The following OTULINL variants were observed in gnomAD, a reference collection of about 807,000 sequenced individuals.
The protein encoded by OTULINL is OTU deubiquitinase with linear linkage specificity like.
Under a neutral mutation model 43.9 loss-of-function variants are expected in OTULINL, and 42 were observed. The observed-to-expected ratio is 0.96, with a 90% CI of 0.75 to 1.24. The LOEUF (loss-of-function observed/expected upper bound fraction) is 1.24, where lower values mean the gene tolerates loss of function less well. Among genes scored for constraint, OTULINL ranks in the 50% most tolerant of loss-of-function variants. The probability of loss-of-function intolerance (pLI) is 0.00; values close to 1 mark genes in which losing one functional copy is unlikely to be tolerated. For synonymous variants in OTULINL, 172 were observed against 153.6 expected (o/e 1.12, Z -0.88); for missense variants, 411 against 426.4 (o/e 0.96, Z 0.32).
chr5:14,596,218 A>G (rs1759285357), intron 1 of OTULINL, among the ~76,000 whole-genome samples: 1 of 152,094 alleles, frequency 6.6e-6, no homozygotes, highest in African/African-American at 2.4e-5. Context: ...GAATGACTGA[A>G]TTCGTGGAGG....
intron 1 of OTULINL, among the ~76,000 whole-genome samples, chr5:14,597,647 C>G (rs889262856): frequency 1.3e-5 from 2 of 152,236 alleles, no homozygotes; most frequent in African/African-American, 4.8e-5. Context: ...AAGGCTCACT[C>G]CTAATGTCAT....
intron 7 of OTULINL, 77 bp downstream of exon 7, chr5:14,609,094 G>C: frequency 6.8e-7 from 1 of 1,473,454 alleles, no homozygotes; most frequent in Non-Finnish European, 9.2e-7. Flanking sequence ...TGTCTGGGGT[G>C]ACTTTTCAGT....
chr5:14,616,016 A>G lies in OTULINL; in HGVS notation c.*5702A>G, dbSNP rs1236205343. ...CTTTTTAAACTATCCATGGTAAAGG[A>G]TGAGTTTTAAAAATTCTAATCCTTT... is the stretch of plus-strand genomic sequence containing the variant. On this transcript the variant is annotated 3_prime_UTR_variant, in exon 8 of 8. Transcript: ENST00000274217. 1.3e-5 allele frequency among the ~76,000 whole-genome samples: 2 copies of G among 152,226 alleles called. No homozygotes were observed. The highest frequency in any genetic ancestry group is 2.9e-5 in the Non-Finnish European group (2 of 68,028).
At chr5:14,582,613 G>A (rs1277572414) in intron 1 of OTULINL, among the ~76,000 whole-genome samples, 1 of 151,980 alleles carries the variant, frequency 6.6e-6, no homozygotes, top group East Asian at 1.9e-4. Context: ...AGCCAGCATA[G>A]CGAAACCCTG....
chr5:14,587,936 C>T (rs1272737750), intron 1 of OTULINL, among the ~76,000 whole-genome samples: 3 of 152,138 alleles, frequency 2.0e-5, no homozygotes, highest in African/African-American at 7.2e-5. Flanking sequence ...CCCTTTTCCT[C>T]CCCATTTAGC....
At chr5:14,594,550 G>A (rs1300416311) in intron 1 of OTULINL, among the ~76,000 whole-genome samples, 1 of 152,106 alleles carries the variant, frequency 6.6e-6, no homozygotes. Flanking sequence ...GGGTCCCTGT[G>A]GGCAGGGACC....
intron 5 of OTULINL, among the ~76,000 whole-genome samples, chr5:14,604,492 C>T (rs1258251881): frequency 6.6e-6 from 1 of 152,182 alleles, no homozygotes; most frequent in African/African-American, 2.4e-5. Flanking sequence ...ATCATTTCAG[C>T]ATTAACTCAA....
intron 1 of OTULINL, among the ~76,000 whole-genome samples, chr5:14,591,234 G>C (rs1301241235): frequency 1.3e-5 from 2 of 152,168 alleles, no homozygotes; most frequent in Non-Finnish European, 2.9e-5. Flanking sequence ...TCCCAGAACT[G>C]GCCCACATGA....
intron 5 of OTULINL, among the ~76,000 whole-genome samples, chr5:14,604,502 A>G (rs1366228229): frequency 2.0e-5 from 3 of 152,178 alleles, no homozygotes; most frequent in East Asian, 1.9e-4. Flanking sequence ...CATTAACTCA[A>G]AAGTTCACAG....
rs1017169541 is a variant in OTULINL at position 14,612,886 on chromosome 5, A to C, written c.*2572A>C. Among the ~76,000 whole-genome samples, 10 of 151,838 alleles carry C rather than the reference A, an allele frequency of 6.6e-5. No individual in the cohort carries two copies. The East Asian group carries it at 1.7e-3, about 26-fold the overall frequency. On this transcript the variant is annotated 3_prime_UTR_variant, in exon 8 of 8. Coordinates refer to ENST00000274217, the MANE Select transcript of OTULINL (RefSeq NM_019018.3). ...GCATATTAGTACAAGGCTGACTTTTACTGTGGTAAAATACACATAACATAT... is the reference window on the plus strand; with the variant it reads ...GCATATTAGTACAAGGCTGACTTTTCCTGTGGTAAAATACACATAACATAT...
At chr5:14,602,581 G>A (rs7716513) in intron 5 of OTULINL, among the ~76,000 whole-genome samples, 1,830 of 152,254 alleles carry the variant, frequency 0.012, 35 homozygotes, top group African/African-American at 0.041. Context: ...GACCACAGGT[G>A]CATGCCACCA....
At chr5:14,602,379 C>T in intron 5 of OTULINL, 47 bp downstream of exon 5, 1 of 1,548,970 alleles carries the variant, frequency 6.5e-7, no homozygotes, top group Non-Finnish European at 8.8e-7. Context: ...TTGACAATAA[C>T]TGCAACTCAG....
At chr5:14,609,091 G>A (rs1759530023) in intron 7 of OTULINL, 74 bp downstream of exon 7, 1 of 1,502,826 alleles carries the variant, frequency 6.7e-7, no homozygotes, top group East Asian at 2.3e-5. Flanking sequence ...AGGTGTCTGG[G>A]GTGACTTTTC....
intron 1 of OTULINL, among the ~76,000 whole-genome samples, chr5:14,590,952 A>G (rs1759191152): frequency 6.6e-6 from 1 of 152,180 alleles, no homozygotes; most frequent in South Asian, 2.1e-4. Flanking sequence ...TGCACAGGAG[A>G]TGATACATCC....
Position 14,601,017 on chromosome 5 carries a change from T to A in OTULINL, c.117T>A (p.Thr39=). The A allele has an allele frequency of 6.2e-7, 1 of 1,610,386 alleles. No individual in the cohort carries two copies. Among genetic ancestry groups the A allele is most frequent in the Non-Finnish European group, 8.5e-7 (1 of 1,178,812 alleles). The change falls in exon 2 of 8, where the codon ACT becomes ACA. Residue 39 remains threonine, a synonymous_variant. Coordinates refer to ENST00000274217, the MANE Select transcript of OTULINL (RefSeq NM_019018.3). Reference sequence around the variant, plus strand: ...TAGCTACAAGCCAAGCCTTAGACACTGTCTGGAGAATGGCAAAAGGCTTTG... The same window carrying A: ...TAGCTACAAGCCAAGCCTTAGACACAGTCTGGAGAATGGCAAAAGGCTTTG... ...WMLATSQALD[T]VWRMAKGFVM...
chr5:14,591,784 A>C (rs911736132), intron 1 of OTULINL, among the ~76,000 whole-genome samples: 2 of 152,114 alleles, frequency 1.3e-5, no homozygotes, highest in Non-Finnish European at 2.9e-5. Context: ...ATTGCTGTGA[A>C]TGTATCATCT....
intron 1 of OTULINL, among the ~76,000 whole-genome samples, chr5:14,589,392 GAGGC>G (rs751581763): frequency 1.8e-4 from 27 of 152,292 alleles, no homozygotes; most frequent in South Asian, 4.1e-4. Context: ...GCAAGGTAGG[GAGGC>G]AGGCGTGAGC....
At position 14,614,110 on chromosome 5, in the gene OTULINL, A is replaced by C. The variant is rs1428714931; in HGVS notation, c.*3796A>C. ...CAGAATTAGCAATAATTTTCTCTTA[A>C]ATAGCAAATTTCTAAAGCTGTATGA... On this transcript the variant is annotated 3_prime_UTR_variant, in exon 8 of 8. Coordinates refer to ENST00000274217, the MANE Select transcript of OTULINL (RefSeq NM_019018.3). Among the ~76,000 whole-genome samples the C allele has an allele frequency of 6.6e-6, 1 of 152,200 alleles. No individual in the cohort carries two copies. The highest frequency in any genetic ancestry group is 1.5e-5 in the Non-Finnish European group (1 of 68,024).
chr5:14,590,566 G>A (rs1275633675), intron 1 of OTULINL, among the ~76,000 whole-genome samples: 3 of 152,254 alleles, frequency 2.0e-5, no homozygotes, highest in Middle Eastern at 3.4e-3. Flanking sequence ...AGGAGACAGG[G>A]GTTAAAGACT....
Sources: gnomAD v4.1 joint callset for allele counts (sites outside exome capture counted in the v4.1 genomes callset) on GRCh38, gnomAD v4.1.1 for gene constraint, MANE v1.5 for transcripts, NCBI Gene and HGNC (gene_info 2026-07-23, HGNC 2026-07-21) for gene names.